LMO7: variants seen among roughly 807,000 people sequenced by gnomAD.
The protein encoded by LMO7 is LIM domain only protein 7.
LMO7 carries 120 observed loss-of-function variants against 206.5 expected under a neutral mutation model. The observed-to-expected ratio is 0.58, with a 90% CI of 0.50 to 0.68. LMO7 has a LOEUF of 0.68. LMO7 is among the 30% of genes least tolerant of loss of function. The pLI is 0.00. For missense variants in LMO7, 1,959 were observed against 1,957.9 expected (o/e 1.00, Z -0.01); for synonymous variants, 706 against 681.5 (o/e 1.04, Z -0.56).
chr13:75,760,361 C>T (rs991754414), intron 3 of LMO7: 1 of 1,009,728 alleles, frequency 9.9e-7, no homozygotes, highest in African/African-American at 1.7e-5. Flanking sequence ...CACTAGGTTT[C>T]TCCTCAGTCC....
chr13:75,839,411 G>T (rs2059397929), intron 20 of LMO7, among the ~76,000 whole-genome samples: 1 of 152,132 alleles, frequency 6.6e-6, no homozygotes, highest in African/African-American at 2.4e-5. Flanking sequence ...TAAAAGTACT[G>T]TATGATAGTG....
At chr13:75,804,170 C>A in intron 7 of LMO7, 119 bp from the exon 8 acceptor site, 1 of 1,007,216 alleles carries the variant, frequency 9.9e-7, no homozygotes, top group Non-Finnish European at 1.5e-6. Context: ...AAAATATTCC[C>A]TGCAGTTAGC....
intron 8 of LMO7, 64 bp from the exon 9 acceptor site, chr13:75,805,415 G>A: frequency 1.3e-6 from 2 of 1,509,170 alleles, no homozygotes; most frequent in Non-Finnish European, 1.8e-6. Flanking sequence ...CAGAAAGCAT[G>A]CCATTTGTGT....
At chr13:75,698,963 C>T (rs1457184294) in intron 1 of LMO7, among the ~76,000 whole-genome samples, 1 of 152,164 alleles carries the variant, frequency 6.6e-6, no homozygotes, top group Non-Finnish European at 1.5e-5. Flanking sequence ...TTAGCAGTCA[C>T]TCTCCATTCT....
Position 75,805,669 on chromosome 13 carries a change from C to T in LMO7, c.1105C>T (p.Leu369Phe). ...PNPGNAFDQF[L>F]PKCWTPEDVN... ...CCCAGGGAATGCTTTTGATCAGTTT[C>T]TTCCCAAATGTTGGACCCCAGAAGA... The change falls in exon 9 of 31, where the codon CTT becomes TTT. Residue 369 changes from leucine (L) to phenylalanine (F), a missense_variant. By Grantham distance (22) the Leu-to-Phe change is conservative. Transcript: ENST00000377534. 1 of 1,614,036 alleles carries T rather than the reference C, an allele frequency of 6.2e-7. No individual in the cohort carries two copies. The highest frequency in any genetic ancestry group is 8.5e-7 in the Non-Finnish European group (1 of 1,179,884).
In LMO7 at chr13:75,784,409, T is replaced by G. The variant is rs1336356605; in HGVS notation, c.318-10992T>G. On this transcript the variant is annotated intron_variant, in intron 4 of 30. Coordinates refer to ENST00000377534, the MANE Select transcript of LMO7 (RefSeq NM_001306080.2). ...AAACTTGAGGGTTTGGAATCTCATT[T>G]GGGGAGGGTACTAATTTTCCTCATG... Among the ~76,000 whole-genome samples the G allele has an allele frequency of 2.0e-5, 3 of 152,180 alleles. No individual in the cohort carries two copies. The East Asian group carries it at 5.8e-4, about 29-fold the overall frequency.
intron 15 of LMO7, among the ~76,000 whole-genome samples, chr13:75,826,949 G>A (rs753647601): frequency 2.0e-5 from 3 of 152,036 alleles, no homozygotes; most frequent in Non-Finnish European, 4.4e-5. Flanking sequence ...ATTTGAAGAT[G>A]CTTATTTCCC....
At position 75,681,706 on chromosome 13, in the gene LMO7, G is replaced by GTGTGTATATATATA. The variant is rs1259746833; in HGVS notation, c.70-31475_70-31474insGTGTATATATATAT. 8.8e-4 allele frequency among the ~76,000 whole-genome samples: 82 copies of GTGTGTATATATATA among 93,280 alleles called. 2 individuals are homozygous for GTGTGTATATATATA. The highest frequency in any genetic ancestry group is 2.7e-3 in the African/African-American group (74 of 27,510). The allele number at this position is 93,280 out of a possible 152,430, so 61.2% of individuals were successfully genotyped here. On this transcript the variant is annotated intron_variant, in intron 1 of 30. Transcript: ENST00000377534. ...ATGTCATGTATGTATGTATGTATGTGTATATATATATGTATATATATATAT... is the reference window on the plus strand; with the variant it reads ...ATGTCATGTATGTATGTATGTATGTGTGTGTATATATATATATATATATATGTATATATATATAT...
intron 7 of LMO7, 78 bp from the exon 8 acceptor site, chr13:75,804,211 C>A: frequency 6.9e-7 from 1 of 1,455,148 alleles, no homozygotes. Context: ...AAGGGAAAGA[C>A]AAAGCAGGCG....
chr13:75,737,861 A>AAC, intron 3 of LMO7, among the ~76,000 whole-genome samples: 1 of 147,420 alleles, frequency 6.8e-6, no homozygotes, highest in South Asian at 2.1e-4. Context: ...AAAAAAAAAA[A>AAC]AAACACAGTA....
In LMO7 at chr13:75,669,514, A is replaced by G. The variant is rs533469785; in HGVS notation, c.69+32788A>G. On this transcript the variant is annotated intron_variant, in intron 1 of 30. Coordinates refer to ENST00000377534, the MANE Select transcript of LMO7 (RefSeq NM_001306080.2). ...AGATGCGAAGGTATGAGAGTATAGA[A>G]TTCTCTTTCAGGAAGTCTGGGTGAT... Among the ~76,000 whole-genome samples the G allele has an allele frequency of 3.9e-5, 6 of 152,258 alleles. No homozygotes were observed. In the South Asian group the frequency reaches 1.2e-3, roughly 32 times the overall value.
In LMO7 at chr13:75,779,140, A is replaced by C. The variant is rs547746105; in HGVS notation, c.318-16261A>C. Among the ~76,000 whole-genome samples the C allele has an allele frequency of 2.0e-5, 3 of 152,260 alleles. No homozygotes were observed. In the South Asian group the frequency reaches 6.2e-4, roughly 32 times the overall value. ...CAAGTGCATGCATCATTAATCCTCAAGCCTGTACAACCAGGACAGAGCATG... is the reference window on the plus strand; with the variant it reads ...CAAGTGCATGCATCATTAATCCTCACGCCTGTACAACCAGGACAGAGCATG... On this transcript the variant is annotated intron_variant, in intron 4 of 30. Coordinates refer to ENST00000377534, the MANE Select transcript of LMO7 (RefSeq NM_001306080.2).
intron 2 of LMO7, among the ~76,000 whole-genome samples, chr13:75,724,263 T>C (rs2044270170): frequency 1.3e-5 from 2 of 152,142 alleles, no homozygotes; most frequent in Admixed American, 6.6e-5. Flanking sequence ...GTTTTAATCC[T>C]ACCAAAAGAG....
intron 1 of LMO7, among the ~76,000 whole-genome samples, chr13:75,678,471 G>C (rs1311215321): frequency 1.3e-5 from 2 of 152,100 alleles, no homozygotes; most frequent in African/African-American, 4.8e-5. Context: ...CCTTCGCCCT[G>C]TCCTATAGCT....
chr13:75,804,218 GGC>G (rs1178294225), intron 7 of LMO7, 69 bp from the exon 8 acceptor site: 237 of 1,475,228 alleles, frequency 1.6e-4, no homozygotes, highest in Non-Finnish European at 2.1e-4. Flanking sequence ...AGACAAAGCA[GGC>G]GCGCTGTGTG....
In LMO7 at chr13:75,776,643, T is replaced by C. The variant is rs548358451; in HGVS notation, c.317+15605T>C. Reference sequence around the variant, plus strand: ...AGGAGATAAATATAGTGTAAAAAAGTTATTAGCCTTCAACAGCTCTGGAGC... The same window carrying C: ...AGGAGATAAATATAGTGTAAAAAAGCTATTAGCCTTCAACAGCTCTGGAGC... On this transcript the variant is annotated intron_variant, in intron 4 of 30. Coordinates refer to ENST00000377534, the MANE Select transcript of LMO7 (RefSeq NM_001306080.2). 5.4e-4 allele frequency among the ~76,000 whole-genome samples: 82 copies of C among 152,260 alleles called. 3 individuals are homozygous for C. In the South Asian group the frequency reaches 0.015, roughly 27 times the overall value.
chr13:75,631,367 A>G (rs2034921686), upstream of LMO7: 1 of 152,188 alleles, frequency 6.6e-6, no homozygotes, highest in Admixed American at 6.5e-5. Context: ...CTATGGAGGA[A>G]CCATAATTTA....
At chr13:75,844,497 C>T (rs1028527792) in intron 25 of LMO7, among the ~76,000 whole-genome samples, 3 of 151,832 alleles carry the variant, frequency 2.0e-5, no homozygotes, top group Non-Finnish European at 4.4e-5. Flanking sequence ...GCAACCTCCA[C>T]CTCCTGGGTT....
intron 3 of LMO7, among the ~76,000 whole-genome samples, chr13:75,759,404 C>G (rs1353730090): frequency 1.3e-5 from 2 of 152,084 alleles, no homozygotes; most frequent in Non-Finnish European, 2.9e-5. Context: ...AGATAGTATA[C>G]TTTTTAGAAA....
Sources: gnomAD v4.1 joint callset for allele counts (sites outside exome capture counted in the v4.1 genomes callset) on GRCh38, gnomAD v4.1.1 for gene constraint, MANE v1.5 for transcripts, NCBI Gene and HGNC (gene_info 2026-07-23, HGNC 2026-07-21) for gene names.